The following INF2 variants were observed in gnomAD, a reference collection of about 807,000 sequenced individuals.
INF2 encodes inverted formin 2.
A neutral mutation model predicts 123.5 loss-of-function variants in INF2; 43 were observed. The observed-to-expected ratio is 0.35, with a 90% CI of 0.27 to 0.45. The LOEUF (loss-of-function observed/expected upper bound fraction) is 0.45, where lower values mean the gene tolerates loss of function less well. Ranked by LOEUF, INF2 falls within the 20% of genes least tolerant of loss-of-function variation. The pLI, the probability that INF2 is intolerant of heterozygous loss-of-function variation, is 1.00. For synonymous variants in INF2, 851 were observed against 745.0 expected, an observed-to-expected ratio of 1.14 and a Z score of -2.32; for missense variants, 1,453 against 1,682.7, an observed-to-expected ratio of 0.86 and a Z score of 2.39.
At position 104,720,149 on chromosome 14, in the gene INF2, T is replaced by A. The variant is rs1890495549; in HGVS notation, c.*1356T>A. On this transcript the variant is annotated 3_prime_UTR_variant, in exon 23 of 23. Coordinates refer to ENST00000392634, the MANE Select transcript of INF2 (RefSeq NM_022489.4). Reference sequence around the variant, plus strand: ...CAGATGTCATGCATGTCTCCTGGCTTCCTTCGGCTGTTTTCACGCGCCATC... The same window carrying A: ...CAGATGTCATGCATGTCTCCTGGCTACCTTCGGCTGTTTTCACGCGCCATC... 6.5e-6 allele frequency: 1 copy of A among 154,938 alleles called. No homozygotes were observed. The highest frequency in any genetic ancestry group is 1.4e-5 in the Non-Finnish European group (1 of 69,888). 9.6% of individuals were successfully genotyped at this position (154,938 alleles called of 1,614,324 possible).
At chr14:104,716,971 C>T (rs867987107) in intron 22 of INF2, among the ~76,000 whole-genome samples, 20 of 152,356 alleles carry the variant, frequency 1.3e-4, no homozygotes, top group Middle Eastern at 6.8e-3. Context: ...GGATTACAGG[C>T]GTGAGCCACC....
intron 2 of INF2, among the ~76,000 whole-genome samples, chr14:104,702,893 A>G (rs2140645899): frequency 6.6e-6 from 1 of 152,330 alleles, no homozygotes; most frequent in African/African-American, 2.4e-5. Context: ...CCTTCCCTGC[A>G]GGGTCTGGCC....
In INF2 at chr14:104,721,340, G is replaced by A. The variant is rs1231758119; in HGVS notation, c.*2547G>A. ...TGCTGTGGACGTCTGCGTCGTCCTC[G>A]TGTGGATGCTGCTGTGGACGTCTGC... On this transcript the variant is annotated 3_prime_UTR_variant, in exon 23 of 23. Coordinates refer to ENST00000392634, the MANE Select transcript of INF2 (RefSeq NM_022489.4). 2 of 144,980 alleles carry A rather than the reference G, an allele frequency of 1.4e-5. No individual in the cohort carries two copies. The highest frequency in any genetic ancestry group is 2.2e-4 in the East Asian group (1 of 4,506). The allele number at this position is 144,980 out of a possible 1,614,324, so 9.0% of individuals were successfully genotyped here. A position where few individuals can be genotyped will look rare whatever the true frequency, so the allele number is the denominator to read the frequency against.
At chr14:104,698,775 AAGG>A (rs1447334922) in intron 1 of INF2, among the ~76,000 whole-genome samples, 2 of 152,204 alleles carry the variant, frequency 1.3e-5, no homozygotes, top group South Asian at 2.1e-4. Context: ...AGCACCACAG[AAGG>A]AGGAGAGCAG....
intron 1 of INF2, chr14:104,681,614 G>A: frequency 3.9e-6 from 5 of 1,287,892 alleles, no homozygotes; most frequent in Non-Finnish European, 5.1e-6. Context: ...GGCCAAGCTG[G>A]GGTAGCCGAG....
At chr14:104,712,332 T>C (rs1435990852) in intron 16 of INF2, 101 bp from the exon 17 acceptor site, 10 of 1,495,316 alleles carry the variant, frequency 6.7e-6, no homozygotes, top group Non-Finnish European at 9.2e-6. Context: ...GCCTGCAGGG[T>C]GCACAGTGGG....
At chr14:104,684,863 C>T (rs1009625932), upstream of INF2, 2 of 152,250 alleles carry the variant, frequency 1.3e-5, no homozygotes, top group South Asian at 4.1e-4. This position sits in a 1 kb window ranked among gnomAD's most constrained non-coding sequence, Gnocchi z 5.0. Flanking sequence ...TTTCAGCAAC[C>T]AATCAGTACA....
chr14:104,706,575 T>G (rs1024992661), intron 6 of INF2, among the ~76,000 whole-genome samples: 5 of 152,090 alleles, frequency 3.3e-5, no homozygotes, highest in African/African-American at 1.2e-4. Context: ...GCTCAGGCCT[T>G]CCCCTCATTC....
chr14:104,706,466 C>T (rs757830849), intron 6 of INF2, among the ~76,000 whole-genome samples: 14 of 152,204 alleles, frequency 9.2e-5, no homozygotes, highest in Non-Finnish European at 1.9e-4. Context: ...GGCCCACAGC[C>T]GGCCTTACTG....
chr14:104,699,397 T>C lies in INF2; in HGVS notation c.-9-1960T>C. The C allele has an allele frequency of 1.0e-6, 1 of 985,328 alleles. No individual in the cohort carries two copies. Among genetic ancestry groups the C allele is most frequent in the Non-Finnish European group, 1.2e-6 (1 of 829,890 alleles). The allele number at this position is 985,328 out of a possible 1,614,324, so 61.0% of individuals were successfully genotyped here. On this transcript the variant is annotated intron_variant, in intron 1 of 22. Coordinates refer to ENST00000392634, the MANE Select transcript of INF2 (RefSeq NM_022489.4). The surrounding 1 kb of genome is among the most constrained non-coding windows in gnomAD (Gnocchi z 4.7). ...GTGGGAATATATGCAGAGGCCCGGC[T>C]GCCTGGCTCTTCATGGTGGTGGGAG...
chr14:104,702,989 C>G, intron 2 of INF2, 116 bp from the exon 3 acceptor site: 1 of 816,256 alleles, frequency 1.2e-6, no homozygotes, highest in Non-Finnish European at 2.0e-6. Context: ...CAGACAAGTG[C>G]CCGGCACCCC....
chr14:104,718,940 T>G lies in INF2; in HGVS notation c.*147T>G. 6.9e-7 allele frequency: 1 copy of G among 1,452,776 alleles called. No individual in the cohort carries two copies. The highest frequency in any genetic ancestry group is 2.5e-5 in the East Asian group (1 of 40,418). The allele number at this position is 1,452,776 out of a possible 1,614,324, so 90.0% of individuals were successfully genotyped here. On this transcript the variant is annotated 3_prime_UTR_variant, in exon 23 of 23. Transcript: ENST00000392634. The stretch of plus-strand genomic sequence containing the variant: ...GTGCCTTACCCAGCCGGGGCCCTCC[T>G]GGAGCCTTCTTGGGGTGTTGTGGCT...
At position 104,707,287 on chromosome 14, in the gene INF2, G is replaced by T. The variant is rs906808721; in HGVS notation, c.1020G>T (p.Arg340=). 1 of 1,609,290 alleles carries T rather than the reference G, an allele frequency of 6.2e-7. No individual in the cohort carries two copies. Among genetic ancestry groups the T allele is most frequent in the African/African-American group, 1.3e-5 (1 of 74,894 alleles). ...QECTLEEVVE[R]LLSVKGRPRP... ...GCACCCTGGAGGAAGTGGTTGAGCGGCTCCTGTCTGTCAAGGGGCGACCCA... is the reference window on the plus strand; with the variant it reads ...GCACCCTGGAGGAAGTGGTTGAGCGTCTCCTGTCTGTCAAGGGGCGACCCA... The change falls in exon 8 of 23, where the codon CGG becomes CGT. Residue 340 remains arginine (R), a synonymous_variant. Transcript: ENST00000392634.
chr14:104,698,703 G>C (rs2140626673), intron 1 of INF2, among the ~76,000 whole-genome samples: 1 of 152,366 alleles, frequency 6.6e-6, no homozygotes, highest in East Asian at 1.9e-4. Flanking sequence ...CTGAAAAGCA[G>C]TTGGAACATT....
Position 104,708,739 on chromosome 14 carries a change from G to C in INF2, c.1949+7G>C. The C allele has an allele frequency of 6.2e-7, 1 of 1,612,910 alleles. No individual in the cohort carries two copies. The highest frequency in any genetic ancestry group is 1.1e-5 in the South Asian group (1 of 91,088). ...TCCTGAAGCAATTTAAGTGGTGAGTGAGGGAGGTAGCCCCCATCCCAGGCC... is the reference window on the plus strand; with the variant it reads ...TCCTGAAGCAATTTAAGTGGTGAGTCAGGGAGGTAGCCCCCATCCCAGGCC... On this transcript the variant is annotated splice_region_variant and intron_variant, in intron 10 of 22. Coordinates refer to ENST00000392634, the MANE Select transcript of INF2 (RefSeq NM_022489.4).
In INF2 at chr14:104,714,297, G is replaced by T; in HGVS notation, c.3135G>T (p.Arg1045=). The part of the protein sequence containing the change: ...GLDATTASES[R]GWDLVDAVTP... ...ATGCTACAACAGCCAGCGAGTCCCG[G>T]GGCTGGGACCTTGTAGACGCCGTGA... Residue 1045 remains arginine, a synonymous_variant, in exon 21 of 23, where the codon CGG becomes CGT. Transcript: ENST00000392634. 6.3e-7 allele frequency: 1 copy of T among 1,592,520 alleles called. No homozygotes were observed. The highest frequency in any genetic ancestry group is 8.5e-7 in the Non-Finnish European group (1 of 1,170,816).
chr14:104,687,344 T>C (rs1190053457), upstream of INF2, among the ~76,000 whole-genome samples: 2 of 151,966 alleles, frequency 1.3e-5, no homozygotes, highest in Non-Finnish European at 2.9e-5. This position sits in a 1 kb window ranked among gnomAD's most constrained non-coding sequence, Gnocchi z 5.6. Context: ...AGAAAATCAG[T>C]GCTCAAGCCG....
upstream of INF2, chr14:104,684,608 G>A (rs1363919447): frequency 6.5e-6 from 1 of 154,132 alleles, no homozygotes; most frequent in Non-Finnish European, 1.4e-5. This position sits in a 1 kb window ranked among gnomAD's most constrained non-coding sequence, Gnocchi z 5.0. Context: ...AACTTTCTGG[G>A]CCCTGGAGGT....
chr14:104,689,566 G>T (rs1888831923), upstream of INF2: 4 of 913,068 alleles, frequency 4.4e-6, no homozygotes, highest in Non-Finnish European at 5.2e-6. Flanking sequence ...GGCCGCTGAC[G>T]GGCGGGGCGG....
Sources: gnomAD v4.1 joint callset for allele counts (sites outside exome capture counted in the v4.1 genomes callset) on GRCh38, gnomAD v4.1.1 for gene constraint, Gnocchi (gnomAD v3.1) non-coding constraint, MANE v1.5 for transcripts, NCBI Gene and HGNC (gene_info 2026-07-23, HGNC 2026-07-21) for gene names.